CDC123: variants seen among roughly 807,000 people sequenced by gnomAD.
The protein encoded by CDC123 is cell division cycle 123, also known as translation initiation factor eIF2 assembly protein.
A neutral mutation model predicts 54.4 loss-of-function variants in CDC123; 37 were observed. That is an observed-to-expected ratio of 0.68 (90% CI 0.52 to 0.89). The LOEUF (loss-of-function observed/expected upper bound fraction) is 0.89, where lower values mean the gene tolerates loss of function less well. Ranked by LOEUF, CDC123 falls within the 40% of genes least tolerant of loss-of-function variation. The pLI is 0.00. For synonymous variants in CDC123, 144 were observed against 136.8 expected (o/e 1.05, Z -0.37); for missense variants, 361 against 412.1 (o/e 0.88, Z 1.07).
chr10:12,243,461 T>TA (rs374598409), intron 10 of CDC123, among the ~76,000 whole-genome samples: 64 of 150,598 alleles, frequency 4.2e-4, no homozygotes, highest in East Asian at 2.5e-3. Flanking sequence ...TGTGATTGTT[T>TA]AAAAAAAAAT....
At chr10:12,223,675 A>G (rs1247377992) in intron 6 of CDC123, among the ~76,000 whole-genome samples, 23 of 152,220 alleles carry the variant, frequency 1.5e-4, no homozygotes, top group Admixed American at 1.4e-3. Flanking sequence ...TAGTAAGGCC[A>G]TTTGGCTGGC....
chr10:12,223,117 A>G (rs1055844412), intron 6 of CDC123, among the ~76,000 whole-genome samples: 5 of 151,234 alleles, frequency 3.3e-5, no homozygotes, highest in Non-Finnish European at 7.4e-5. Flanking sequence ...GATGGTCTCA[A>G]TCTCCTGACC....
At chr10:12,208,097 G>T (rs544665881) in intron 2 of CDC123, among the ~76,000 whole-genome samples, 1 of 152,044 alleles carries the variant, frequency 6.6e-6, no homozygotes, top group South Asian at 2.1e-4. Context: ...TTGTCCTTGG[G>T]ATCTTTTTTT....
intron 6 of CDC123, 63 bp from the exon 7 acceptor site, chr10:12,230,885 G>A: frequency 1.4e-6 from 2 of 1,422,710 alleles, no homozygotes; most frequent in African/African-American, 1.4e-5. Context: ...TATATGTTAA[G>A]TGTGTGCATA....
intron 11 of CDC123, 21 bp downstream of exon 11, chr10:12,246,298 A>G (rs1327413084): frequency 2.5e-6 from 4 of 1,613,454 alleles, no homozygotes; most frequent in Middle Eastern, 1.7e-4. Context: ...TTTAAGACAG[A>G]TACAATGTAA....
At chr10:12,230,866 C>A in intron 6 of CDC123, 82 bp from the exon 7 acceptor site, 1 of 1,290,206 alleles carries the variant, frequency 7.8e-7, no homozygotes, top group Non-Finnish European at 1.1e-6. Context: ...ACGTTACTCT[C>A]ATGTTAAATA....
chr10:12,219,690 G>GTTTTTT (rs56171325), intron 6 of CDC123, among the ~76,000 whole-genome samples: 1 of 144,502 alleles, frequency 6.9e-6, no homozygotes. Context: ...ACTGATAATG[G>GTTTTTT]TTTTTTTTTT....
chr10:12,216,153 G>T (rs1835660943), intron 5 of CDC123, among the ~76,000 whole-genome samples: 1 of 152,076 alleles, frequency 6.6e-6, no homozygotes, highest in Non-Finnish European at 1.5e-5. Flanking sequence ...ATTTTTCTTT[G>T]TTGAAAAGTA....
intron 10 of CDC123, among the ~76,000 whole-genome samples, chr10:12,242,950 A>T (rs967996687): frequency 6.6e-6 from 1 of 152,064 alleles, no homozygotes; most frequent in Non-Finnish European, 1.5e-5. Context: ...TCAAAAAAAA[A>T]AAGTTATAAA....
At chr10:12,212,073 G>GA (rs2043153558) in intron 4 of CDC123, among the ~76,000 whole-genome samples, 1 of 152,048 alleles carries the variant, frequency 6.6e-6, no homozygotes, top group Admixed American at 6.5e-5. Flanking sequence ...GGGTGACAGA[G>GA]AGAGACTCCG....
intron 6 of CDC123, among the ~76,000 whole-genome samples, chr10:12,227,410 G>A (rs1415322255): frequency 1.3e-5 from 2 of 151,786 alleles, no homozygotes; most frequent in African/African-American, 2.4e-5. Context: ...TCATTGGAAC[G>A]TTTTCCTTTT....
At chr10:12,216,848 A>C (rs192555144) in intron 5 of CDC123, among the ~76,000 whole-genome samples, 32 of 152,226 alleles carry the variant, frequency 2.1e-4, no homozygotes, top group Non-Finnish European at 4.3e-4. Context: ...TGAGACATTC[A>C]CCATTTAAAG....
At chr10:12,234,471 A>C (rs1359895950) in intron 7 of CDC123, among the ~76,000 whole-genome samples, 1 of 152,220 alleles carries the variant, frequency 6.6e-6, no homozygotes, top group Non-Finnish European at 1.5e-5. Flanking sequence ...CGCCCGCCTC[A>C]GTCTCCGAAA....
At chr10:12,208,660 A>T (rs1012914043) in intron 2 of CDC123, among the ~76,000 whole-genome samples, 1 of 152,098 alleles carries the variant, frequency 6.6e-6, no homozygotes, top group Non-Finnish European at 1.5e-5. Flanking sequence ...TTTTCTGTCA[A>T]TTGAGGGTGC....
rs533188330 is a variant in CDC123, at chr10:12,206,760, C to T, written c.147-3207C>T. Among the ~76,000 whole-genome samples the T allele has an allele frequency of 3.9e-5, 6 of 152,128 alleles. No homozygotes were observed. The East Asian group carries it at 5.8e-4, about 15-fold the overall frequency. ...GATCACAAGGTCAGGAGATCGAGAC[C>T]ATCCTGGCCAACACGGTGAAACCCC... On this transcript the variant is annotated intron_variant, in intron 2 of 12. Transcript: ENST00000281141.
chr10:12,220,746 G>A (rs944738902), intron 6 of CDC123, among the ~76,000 whole-genome samples: 25 of 152,328 alleles, frequency 1.6e-4, no homozygotes, highest in African/African-American at 5.8e-4. Context: ...GGGAGGCCGA[G>A]GTGGGCGGAT....
chr10:12,206,994 G>C (rs1210089965), intron 2 of CDC123, among the ~76,000 whole-genome samples: 1 of 147,990 alleles, frequency 6.8e-6, no homozygotes, highest in Non-Finnish European at 1.5e-5. Flanking sequence ...AAGCATTATT[G>C]TATCCATTTT....
At chr10:12,249,250 A>T (rs1174153046) in intron 11 of CDC123, among the ~76,000 whole-genome samples, 2 of 152,142 alleles carry the variant, frequency 1.3e-5, no homozygotes, top group African/African-American at 4.8e-5. Context: ...CAGCCTGGGC[A>T]ACATACTGAG....
At chr10:12,245,797 G>A (rs1023624612) in intron 10 of CDC123, 10 of 173,982 alleles carry the variant, frequency 5.7e-5, no homozygotes, top group East Asian at 3.1e-4. Context: ...CTGGCCGGGC[G>A]ACGTGGCTTA....
Sources: allele counts gnomAD v4.1 joint callset (sites outside exome capture counted in the v4.1 genomes callset), GRCh38; gene constraint gnomAD v4.1.1; transcripts MANE v1.5; gene names NCBI Gene and HGNC (gene_info 2026-07-23, HGNC 2026-07-21).